The following XAF1 variants were observed in gnomAD, a reference collection of about 807,000 sequenced individuals.
XAF1 encodes XIAP associated factor 1.
Under a neutral mutation model 32.3 loss-of-function variants are expected in XAF1, and 32 were observed. The ratio of observed to expected loss-of-function variants is 0.99; its 90% CI spans 0.75 to 1.33. The LOEUF is 1.33. Ranked by LOEUF, XAF1 falls within the 40% of genes most tolerant of loss-of-function variation. The pLI is 0.00. For missense variants in XAF1, 379 were observed against 366.0 expected, an observed-to-expected ratio of 1.04 and a Z score of -0.29; for synonymous variants, 120 against 125.9, an observed-to-expected ratio of 0.95 and a Z score of 0.31.
At chr17:6,755,846 G>A (rs563071207), upstream of XAF1, 18 of 1,359,298 alleles carry the variant, frequency 1.3e-5, 1 homozygote, top group South Asian at 6.3e-5. Context: ...AGGTAGATGC[G>A]GCTGTGACAG....
chr17:6,767,314 G>T lies in XAF1; in HGVS notation c.508-3329G>T, dbSNP rs563685674. Among the ~76,000 whole-genome samples the T allele has an allele frequency of 3.3e-5, 5 of 152,158 alleles. No homozygotes were observed. In the East Asian group the frequency reaches 9.7e-4, roughly 29 times the overall value. ...ATACAACAGTTGTTGTTCTAAACAAGGTGAATAAAAATAAATCTACTCTTA... is the reference window on the plus strand; with the variant it reads ...ATACAACAGTTGTTGTTCTAAACAATGTGAATAAAAATAAATCTACTCTTA... On this transcript the variant is annotated intron_variant, in intron 5 of 6. Transcript: ENST00000361842.
chr17:6,770,721 A>C lies in XAF1; in HGVS notation c.586A>C (p.Ser196Arg), dbSNP rs763317362. 10 of 1,613,868 alleles carry C rather than the reference A, an allele frequency of 6.2e-6. No homozygotes were observed. The highest frequency in any genetic ancestry group is 7.6e-6 in the Non-Finnish European group (9 of 1,179,974). Residue 196 changes from serine to arginine, a missense_variant, in exon 6 of 7, where the codon AGT (serine) becomes CGT (arginine). Ser to Arg is a moderately radical substitution (Grantham distance 110). Transcript: ENST00000361842. Reference protein sequence around the residue: ...NPEILPSSLPSQAAENQTSTM... With the variant: ...NPEILPSSLPRQAAENQTSTM... ...AGAAATTCTTCCTTCATCTCTTCCA[A>C]GTCAAGCTGCTGAAAATCAAACTTC...
chr17:6,770,850 T>C lies in XAF1; in HGVS notation c.715T>C (p.Leu239=). Reference sequence around the variant, plus strand: ...AGCACCAAGAAGCAAAAACAAAACCTTGGATCCACTTTTGATGTCAGAGCC... The same window carrying C: ...AGCACCAAGAAGCAAAAACAAAACCCTGGATCCACTTTTGATGTCAGAGCC... The part of the protein sequence containing the change: ...KKAPRSKNKT[L]DPLLMSEPKP... The change falls in exon 6 of 7, where the codon TTG becomes CTG. Residue 239 remains leucine (L), a synonymous_variant. Transcript: ENST00000361842. 1 of 1,613,934 alleles carries C rather than the reference T, an allele frequency of 6.2e-7. No individual in the cohort carries two copies. The highest frequency in any genetic ancestry group is 8.5e-7 in the Non-Finnish European group (1 of 1,179,934).
At position 6,770,783 on chromosome 17, in the gene XAF1, T is replaced by A; in HGVS notation, c.648T>A (p.Ser216Arg). The A allele has an allele frequency of 1.2e-6, 2 of 1,613,914 alleles. No individual in the cohort carries two copies. The highest frequency in any genetic ancestry group is 1.1e-5 in the South Asian group (1 of 91,014). ...MEKDVRPKTR[S>R]INRFPLHSES... ...AAGATGTTCGTCCAAAGACAAGAAG[T>A]ATAAACAGATTTCCTCTTCATTCTG... is the stretch of plus-strand genomic sequence containing the variant. The change falls in exon 6 of 7, where the codon AGT becomes AGA. Residue 216 changes from serine (S) to arginine (R), a missense_variant. By Grantham distance (110) the Ser-to-Arg change is moderately radical. Coordinates refer to ENST00000361842, the MANE Select transcript of XAF1 (RefSeq NM_017523.5).
chr17:6,770,852 G>A lies in XAF1; in HGVS notation c.717G>A (p.Leu239=), dbSNP rs781266849. 3 of 1,613,926 alleles carry A rather than the reference G, an allele frequency of 1.9e-6. No homozygotes were observed. The highest frequency in any genetic ancestry group is 2.2e-5 in the South Asian group (2 of 91,034). The change falls in exon 6 of 7, where the codon TTG becomes TTA. Residue 239 remains leucine, a synonymous_variant. Transcript: ENST00000361842. The part of the protein sequence containing the change: ...KKAPRSKNKT[L]DPLLMSEPKP... ...CACCAAGAAGCAAAAACAAAACCTT[G>A]GATCCACTTTTGATGTCAGAGCCCA...
At chr17:6,769,375 T>A (rs2151556197) in intron 5 of XAF1, among the ~76,000 whole-genome samples, 1 of 152,326 alleles carries the variant, frequency 6.6e-6, no homozygotes, top group South Asian at 2.1e-4. Context: ...ATATATATAT[T>A]AAAATATCAC....
Position 6,760,909 on chromosome 17 carries a change from C to T in XAF1, c.421+308C>T, listed in dbSNP as rs573333840. On this transcript the variant is annotated intron_variant, in intron 4 of 6. Transcript: ENST00000361842. ...GTGGCTAATGCCTGTAATCCCAGCACTTTGGGAGGCTGAGGCGGGCAGATC... is the reference window on the plus strand; with the variant it reads ...GTGGCTAATGCCTGTAATCCCAGCATTTTGGGAGGCTGAGGCGGGCAGATC... 8.3e-4 allele frequency among the ~76,000 whole-genome samples: 127 copies of T among 152,162 alleles called. 1 individual carries two copies. The highest frequency in any genetic ancestry group is 1.2e-3 in the African/African-American group (48 of 41,540).
intron 2 of XAF1, 53 bp from the exon 3 acceptor site, chr17:6,759,609 T>C: frequency 6.2e-7 from 1 of 1,606,146 alleles, no homozygotes; most frequent in South Asian, 1.1e-5. Context: ...AGGCCCTGGG[T>C]GCTGGGTGGA....
chr17:6,766,743 C>T (rs1975649087), intron 5 of XAF1, among the ~76,000 whole-genome samples: 1 of 152,164 alleles, frequency 6.6e-6, no homozygotes, highest in Admixed American at 6.5e-5. Flanking sequence ...TTCTAGGTAC[C>T]TATCACTAAA....
chr17:6,771,087 A>G, intron 6 of XAF1, 103 bp downstream of exon 6: 1 of 1,347,370 alleles, frequency 7.4e-7, no homozygotes, highest in Non-Finnish European at 1.0e-6. Flanking sequence ...GTGGCTGAAA[A>G]GGCCGTTTTC....
At chr17:6,765,949 C>A in intron 5 of XAF1, among the ~76,000 whole-genome samples, 1 of 152,172 alleles carries the variant, frequency 6.6e-6, no homozygotes, top group East Asian at 1.9e-4. Context: ...TGCCTCCCTT[C>A]TTATCTCATC....
intron 1 of XAF1, among the ~76,000 whole-genome samples, chr17:6,757,603 C>CGCATTATTT (rs752741375): frequency 6.7e-6 from 1 of 149,052 alleles, no homozygotes; most frequent in African/African-American, 2.5e-5. Context: ...GCACTTCTCT[C>CGCATTATTT]AAATTATTTA....
chr17:6,756,189 G>A, intron 1 of XAF1, 79 bp downstream of exon 1: 6 of 1,608,448 alleles, frequency 3.7e-6, no homozygotes, highest in Non-Finnish European at 5.1e-6. Flanking sequence ...TTTCTGAAGG[G>A]AGCAGAAAGT....
chr17:6,770,506 A>G (rs898950973), intron 5 of XAF1, 137 bp from the exon 6 acceptor site: 2 of 714,842 alleles, frequency 2.8e-6, no homozygotes, highest in African/African-American at 3.7e-5. Flanking sequence ...CAGCTATTAA[A>G]TTGAATGTCT....
rs368597482 is a variant in XAF1 at position 6,759,515 on chromosome 17, C to T, written c.169-147C>T. 53 of 1,486,160 alleles carry T rather than the reference C, an allele frequency of 3.6e-5. No individual in the cohort carries two copies. In the South Asian group the frequency reaches 6.9e-4, roughly 19 times the overall value. The allele number at this position is 1,486,160 out of a possible 1,614,324, so 92.1% of individuals were successfully genotyped here. A position where few individuals can be genotyped will look rare whatever the true frequency, so the allele number is the denominator to read the frequency against. Reference sequence around the variant, plus strand: ...CACTGGGCGGGGTGCTAGAGAGACACTGAGGTAGCCACATCGGATCCCTGC... The same window carrying T: ...CACTGGGCGGGGTGCTAGAGAGACATTGAGGTAGCCACATCGGATCCCTGC... On this transcript the variant is annotated intron_variant, in intron 2 of 6. Transcript: ENST00000361842.
At position 6,759,691 on chromosome 17, in the gene XAF1, G is replaced by A; in HGVS notation, c.198G>A (p.Met66Ile). The change falls in exon 3 of 7, where the codon ATG becomes ATA. Residue 66 changes from methionine (M) to isoleucine (I), a missense_variant. Coordinates refer to ENST00000361842, the MANE Select transcript of XAF1 (RefSeq NM_017523.5). ...GGTGTACGATGTGTCAGCAGAGCATGCAGAAGTCCTCGCTGGAGTTTCATA... is the reference window on the plus strand; with the variant it reads ...GGTGTACGATGTGTCAGCAGAGCATACAGAAGTCCTCGCTGGAGTTTCATA... Reference protein sequence around the residue: ...QVGCTMCQQSMQKSSLEFHKA... With the variant: ...QVGCTMCQQSIQKSSLEFHKA... 1 of 1,613,920 alleles carries A rather than the reference G, an allele frequency of 6.2e-7. No individual in the cohort carries two copies. Among genetic ancestry groups the A allele is most frequent in the Non-Finnish European group, 8.5e-7 (1 of 1,180,028 alleles).
In XAF1 at chr17:6,770,648, A is replaced by C; in HGVS notation, c.513A>C (p.Lys171Asn). Residue 171 changes from lysine to asparagine, a missense_variant, in exon 6 of 7, where the codon AAA (lysine) becomes AAC (asparagine). Physicochemically the swap from Lys to Asn is moderately conservative, Grantham distance 94. Coordinates refer to ENST00000361842, the MANE Select transcript of XAF1 (RefSeq NM_017523.5). ...PENKYFHHMG[K>N]CCPDSEFKKH... is the part of the protein sequence containing the mutation. ...TATATTATTCACAATTGCAGGGTAA[A>C]TGTTGTCCAGACTCAGAGTTTAAGA... 6.3e-7 allele frequency: 1 copy of C among 1,584,622 alleles called. No homozygotes were observed. Among genetic ancestry groups the C allele is most frequent in the Non-Finnish European group, 8.5e-7 (1 of 1,169,704 alleles).
rs190591791 is a variant in XAF1 at position 6,760,816 on chromosome 17, A to T, written c.421+215A>T. On this transcript the variant is annotated intron_variant, in intron 4 of 6. Transcript: ENST00000361842. ...TTCAAATGACTGGTCCAGGGAGACT[A>T]GGAGGCCGGGGCTAGAGCCTAGCTA... is the stretch of plus-strand genomic sequence containing the variant. 3.4e-3 allele frequency among the ~76,000 whole-genome samples: 519 copies of T among 152,314 alleles called. 2 individuals carry two copies. Among genetic ancestry groups the T allele is most frequent in the African/African-American group, 0.011 (478 of 41,576 alleles).
Position 6,771,144 on chromosome 17 carries a change from C to A in XAF1, c.849+160C>A. On this transcript the variant is annotated intron_variant, in intron 6 of 6. Coordinates refer to ENST00000361842, the MANE Select transcript of XAF1 (RefSeq NM_017523.5). The stretch of plus-strand genomic sequence containing the variant: ...TGCCCAAATGCACTATCTCGTAGCA[C>A]TTACCACCTGGTTTATTTGCATCAC... 4.5e-6 allele frequency: 3 copies of A among 666,956 alleles called. No individual in the cohort carries two copies. The South Asian group carries it at 6.7e-5, about 15-fold the overall frequency. The allele number at this position is 666,956 out of a possible 1,614,324, so 41.3% of individuals were successfully genotyped here. A position where few individuals can be genotyped will look rare whatever the true frequency, so the allele number is the denominator to read the frequency against.
Sources: gnomAD v4.1 joint callset for allele counts (sites outside exome capture counted in the v4.1 genomes callset) on GRCh38, gnomAD v4.1.1 for gene constraint, MANE v1.5 for transcripts, NCBI Gene and HGNC (gene_info 2026-07-23, HGNC 2026-07-21) for gene names.